RIPOR2: variants seen among roughly 807,000 people sequenced by gnomAD.
The protein encoded by RIPOR2 is RHO family interacting cell polarization regulator 2.
A neutral mutation model predicts 114.5 loss-of-function variants in RIPOR2; 39 were observed. That is an observed-to-expected ratio of 0.34 (90% CI 0.26 to 0.44). The LOEUF (loss-of-function observed/expected upper bound fraction) is 0.44, where lower values mean the gene tolerates loss of function less well. RIPOR2 is among the 20% of genes least tolerant of loss of function. RIPOR2 has a pLI of 1.00. For missense variants in RIPOR2, 1,007 were observed against 1,255.1 expected (o/e 0.80, Z 2.99); for synonymous variants, 445 against 484.4 (o/e 0.92, Z 1.07).
At chr6:24,992,256 T>C (rs754741668) in intron 1 of RIPOR2, among the ~76,000 whole-genome samples, 1 of 152,196 alleles carries the variant, frequency 6.6e-6, no homozygotes, top group Non-Finnish European at 1.5e-5. Context: ...ATCTTAGCTG[T>C]CATGAAATTT....
At chr6:24,877,235 G>A in intron 1 of RIPOR2, 3 of 985,412 alleles carry the variant, frequency 3.0e-6, no homozygotes, top group East Asian at 1.1e-4. Context: ...CAGTTTGAGC[G>A]AGTTACTTCC....
intron 13 of RIPOR2, among the ~76,000 whole-genome samples, chr6:24,841,474 C>G (rs1348965067): frequency 1.3e-5 from 2 of 151,918 alleles, no homozygotes; most frequent in African/African-American, 4.8e-5. Flanking sequence ...GAGTCAGGAC[C>G]TGAATTATCA....
intron 10 of RIPOR2, 49 bp from the exon 11 acceptor site, chr6:24,849,999 A>G: frequency 6.6e-7 from 1 of 1,520,258 alleles, no homozygotes. Flanking sequence ...AGCAGAGGAG[A>G]AAGGTAGAAT....
intron 7 of RIPOR2, 28 bp from the exon 8 acceptor site, chr6:24,861,064 A>G: frequency 6.5e-7 from 1 of 1,549,874 alleles, no homozygotes; most frequent in Non-Finnish European, 8.9e-7. Flanking sequence ...GACGATCATG[A>G]GAGCTAGCCT....
intron 19 of RIPOR2, among the ~76,000 whole-genome samples, chr6:24,820,962 T>A (rs1444740660): frequency 1.4e-5 from 2 of 140,246 alleles, no homozygotes; most frequent in Non-Finnish European, 3.0e-5. Context: ...AAACTCCGCC[T>A]CCTGGGTTCA....
chr6:24,974,056 T>C (rs1379666032), intron 1 of RIPOR2, among the ~76,000 whole-genome samples: 1 of 152,158 alleles, frequency 6.6e-6, no homozygotes, highest in Non-Finnish European at 1.5e-5. Flanking sequence ...TTACACAATA[T>C]ACTCATGTAA....
intron 1 of RIPOR2, among the ~76,000 whole-genome samples, chr6:25,014,001 A>G (rs1160100928): frequency 6.6e-6 from 1 of 152,158 alleles, no homozygotes; most frequent in Non-Finnish European, 1.5e-5. Context: ...AGTGGCTTCA[A>G]TGTTGATTTT....
In RIPOR2 at chr6:25,005,738, T is replaced by TACATACATAC. The variant is rs1554130559; in HGVS notation, c.76+36112_76+36113insGTATGTATGT. Among the ~76,000 whole-genome samples, 43 of 70,700 alleles carry TACATACATAC rather than the reference T, an allele frequency of 6.1e-4. 1 individual carries two copies. Among genetic ancestry groups the TACATACATAC allele is most frequent in the African/African-American group, 7.4e-4 (18 of 24,382 alleles). The allele number at this position is 70,700 out of a possible 152,430, so 46.4% of individuals were successfully genotyped here. On this transcript the variant is annotated intron_variant, in intron 1 of 13. Coordinates refer to the RIPOR2 transcript ENST00000510784. ...ATATATATATATATATATATATATATATACATTTACCGATCAAAAGATATG... is the reference window on the plus strand; with the variant it reads ...ATATATATATATATATATATATATATACATACATACATACATTTACCGATCAAAAGATATG...
intron 2 of RIPOR2, among the ~76,000 whole-genome samples, chr6:24,875,260 G>C (rs2113898021): frequency 6.6e-6 from 1 of 152,316 alleles, no homozygotes; most frequent in South Asian, 2.1e-4. Flanking sequence ...TCAGATGAGA[G>C]GAGATTCAGG....
At position 24,843,497 on chromosome 6, in the gene RIPOR2, G is replaced by A. The variant is rs1224760767; in HGVS notation, c.1222C>T (p.Leu408=). The A allele has an allele frequency of 2.6e-6, 4 of 1,561,630 alleles. No individual in the cohort carries two copies. In the South Asian group the frequency reaches 4.7e-5, roughly 18 times the overall value. Residue 408 remains leucine, a synonymous_variant, in exon 13 of 22, where the codon CTG becomes TTG. Transcript: ENST00000643898. ...NGKAAEEKMP[L]SLSFSDLPNG... ...GGCAGGTCACTGAAGCTGAGCGACA[G>A]TGGCATTTTCTCCTCGGCTGCCTTT...
intron 1 of RIPOR2, among the ~76,000 whole-genome samples, chr6:24,926,963 TACCACCACCACCACC>T (rs112559389): frequency 9.5e-6 from 1 of 105,056 alleles, no homozygotes; most frequent in Non-Finnish European, 1.8e-5. Flanking sequence ...ATCATCTCAC[TACCACCACCACCACC>T]ACCACCACCA....
intron 1 of RIPOR2, among the ~76,000 whole-genome samples, chr6:24,901,934 A>G (rs778665653): frequency 2.0e-4 from 30 of 152,232 alleles, no homozygotes; most frequent in Non-Finnish European, 4.4e-4. Flanking sequence ...TGGTTGTAAA[A>G]GTTGTTCAAA....
At chr6:24,988,134 A>G (rs928560211) in intron 1 of RIPOR2, among the ~76,000 whole-genome samples, 3 of 152,226 alleles carry the variant, frequency 2.0e-5, no homozygotes, top group Non-Finnish European at 4.4e-5. Context: ...TAATTAACCC[A>G]GGACTAAAAT....
chr6:24,943,688 C>T (rs1025768515), intron 1 of RIPOR2, among the ~76,000 whole-genome samples: 1 of 152,072 alleles, frequency 6.6e-6, no homozygotes, highest in African/African-American at 2.4e-5. Context: ...ACACACTTCA[C>T]CTTATCTCTG....
chr6:25,026,116 T>C (rs1168852003), intron 1 of RIPOR2, among the ~76,000 whole-genome samples: 1 of 152,062 alleles, frequency 6.6e-6, no homozygotes, highest in Non-Finnish European at 1.5e-5. Flanking sequence ...GACAGGTTTA[T>C]AAATGAATGC....
chr6:24,921,592 C>T (rs999204340), intron 1 of RIPOR2, among the ~76,000 whole-genome samples: 1 of 152,078 alleles, frequency 6.6e-6, no homozygotes, highest in South Asian at 2.1e-4. Context: ...AAAGTCTTCC[C>T]TGACCACCAT....
Position 24,848,133 on chromosome 6 carries a change from C to A in RIPOR2, c.1056G>T (p.Met352Ile). 6.2e-7 allele frequency: 1 copy of A among 1,613,544 alleles called. No homozygotes were observed. Among genetic ancestry groups the A allele is most frequent in the South Asian group, 1.1e-5 (1 of 90,934 alleles). The change falls in exon 12 of 22, where the codon ATG becomes ATT. Residue 352 changes from methionine (M) to isoleucine (I), a missense_variant. Transcript: ENST00000643898. Reference protein sequence around the residue: ...ITWYPFDVEDMTASSGAGNKA... With the variant: ...ITWYPFDVEDITASSGAGNKA... ...TGTTCCCAGCGCCTGAGGATGCGGT[C>A]ATGTCCTCCACGTCAAATGGACTGC...
In RIPOR2 at chr6:24,975,338, T is replaced by C. The variant is rs545341372; in HGVS notation, c.76+66513A>G. ...CTCTTCCAAATCAAATAAACAAATA[T>C]AAAGAAATAAGAAAAAGATGTACAG... is the stretch of plus-strand genomic sequence containing the variant. On this transcript the variant is annotated intron_variant, in intron 1 of 13. Transcript: ENST00000510784. Among the ~76,000 whole-genome samples, 34 of 151,736 alleles carry C rather than the reference T, an allele frequency of 2.2e-4. No individual in the cohort carries two copies. In the South Asian group the frequency reaches 2.9e-3, roughly 13 times the overall value.
intron 1 of RIPOR2, among the ~76,000 whole-genome samples, chr6:25,021,027 T>A (rs1776294833): frequency 2.0e-5 from 3 of 152,096 alleles, no homozygotes; most frequent in South Asian, 4.1e-4. Flanking sequence ...TGGCTAATTT[T>A]TTTGTATTTT....
Sources: gnomAD v4.1 joint callset for allele counts (sites outside exome capture counted in the v4.1 genomes callset) on GRCh38, gnomAD v4.1.1 for gene constraint, MANE v1.5 for transcripts, NCBI Gene and HGNC (gene_info 2026-07-23, HGNC 2026-07-21) for gene names.